ALDH1A3: variants seen among roughly 807,000 people sequenced by gnomAD.
The protein encoded by ALDH1A3 is retinaldehyde dehydrogenase 3.
In ALDH1A3, 28 loss-of-function variants were observed where a neutral mutation model predicts 57.5. The observed-to-expected ratio is 0.49, with a 90% CI of 0.36 to 0.67. The LOEUF (loss-of-function observed/expected upper bound fraction) is 0.67, where lower values mean the gene tolerates loss of function less well. Ranked by LOEUF, ALDH1A3 falls within the 30% of genes least tolerant of loss-of-function variation. ALDH1A3 has a pLI of 0.00. For synonymous variants in ALDH1A3, 281 were observed against 264.8 expected (o/e 1.06, Z -0.59); for missense variants, 507 against 669.4 (o/e 0.76, Z 2.68).
chr15:100,900,423 A>C, intron 8 of ALDH1A3, 152 bp from the exon 9 acceptor site: 1 of 747,628 alleles, frequency 1.3e-6, no homozygotes, highest in South Asian at 1.9e-5. Flanking sequence ...TATTTGGGAA[A>C]GTCTGCAAAC....
intron 9 of ALDH1A3, among the ~76,000 whole-genome samples, chr15:100,902,340 C>T (rs190251759): frequency 6.6e-6 from 1 of 152,202 alleles, no homozygotes; most frequent in Non-Finnish European, 1.5e-5. Context: ...GCCGTCTAAC[C>T]TCAGCATATT....
intron 3 of ALDH1A3, among the ~76,000 whole-genome samples, chr15:100,891,286 T>C (rs1010327859): frequency 1.3e-5 from 2 of 152,236 alleles, no homozygotes; most frequent in African/African-American, 4.8e-5. Context: ...TTCAGGGACT[T>C]ACCCAAGGCC....
intron 1 of ALDH1A3, chr15:100,880,454 G>T: frequency 2.8e-6 from 1 of 354,072 alleles, no homozygotes; most frequent in Non-Finnish European, 5.1e-6. Flanking sequence ...AGCGCCAAGA[G>T]AGAGTCCGGG....
chr15:100,896,482 A>G (rs2041705574), intron 7 of ALDH1A3, among the ~76,000 whole-genome samples: 1 of 152,162 alleles, frequency 6.6e-6, no homozygotes, highest in Non-Finnish European at 1.5e-5. Flanking sequence ...CGACGTGCCC[A>G]TTAAGCTTAA....
chr15:100,911,860 A>G lies in ALDH1A3; in HGVS notation c.1467-2841A>G, dbSNP rs116271844. Among the ~76,000 whole-genome samples the G allele has an allele frequency of 3.4e-3, 522 of 152,348 alleles. 4 individuals are homozygous for G. The highest frequency in any genetic ancestry group is 0.012 in the African/African-American group (503 of 41,582). The stretch of plus-strand genomic sequence containing the variant: ...CATGTGTTAGTTATGTGTTAATTCA[A>G]TCTGATTTCATCACTTTGTTTGCGT... On this transcript the variant is annotated intron_variant, in intron 12 of 12. Transcript: ENST00000329841.
At chr15:100,908,332 G>A in intron 11 of ALDH1A3, 76 bp from the exon 12 acceptor site, 5 of 1,236,536 alleles carry the variant, frequency 4.0e-6, no homozygotes, top group Non-Finnish European at 5.9e-6. Flanking sequence ...CCTGCACTGG[G>A]GGCTAAGTGG....
At position 100,893,725 on chromosome 15, in the gene ALDH1A3, A is replaced by C. The variant is rs1251994622; in HGVS notation, c.538-229A>C. The C allele has an allele frequency of 1.5e-5, 7 of 474,618 alleles. No homozygotes were observed. Among genetic ancestry groups the C allele is most frequent in the Non-Finnish European group, 2.6e-5 (7 of 273,050 alleles). The allele number at this position is 474,618 out of a possible 1,614,324, so 29.4% of individuals were successfully genotyped here. A position where few individuals can be genotyped will look rare whatever the true frequency, so the allele number is the denominator to read the frequency against. ...TGTTTTAGAGGGAGAGGTAGAACACATGCAACAGCATCCTCTTTGCAAAGG... is the reference window on the plus strand; with the variant it reads ...TGTTTTAGAGGGAGAGGTAGAACACCTGCAACAGCATCCTCTTTGCAAAGG... On this transcript the variant is annotated intron_variant, in intron 5 of 12. Coordinates refer to ENST00000329841, the MANE Select transcript of ALDH1A3 (RefSeq NM_000693.4). This position sits in a 1 kb window ranked among gnomAD's most constrained non-coding sequence, Gnocchi z 4.8.
intron 2 of ALDH1A3, among the ~76,000 whole-genome samples, chr15:100,885,602 A>G (rs2041586978): frequency 6.6e-6 from 1 of 151,662 alleles, no homozygotes; most frequent in African/African-American, 2.4e-5. Flanking sequence ...TCCTACTATG[A>G]GGATGACCTC....
chr15:100,896,167 G>C (rs1333900448), intron 7 of ALDH1A3, 121 bp downstream of exon 7: 3 of 792,030 alleles, frequency 3.8e-6, no homozygotes, highest in East Asian at 5.4e-5. Flanking sequence ...CCATGTTTTA[G>C]TACATAACAA....
chr15:100,901,477 G>A (rs755990248), intron 9 of ALDH1A3, among the ~76,000 whole-genome samples: 8 of 152,130 alleles, frequency 5.3e-5, no homozygotes, highest in African/African-American at 1.7e-4. Flanking sequence ...TCACATGTCC[G>A]TGACTTACCC....
chr15:100,902,039 C>A (rs575796367), intron 9 of ALDH1A3, among the ~76,000 whole-genome samples: 3 of 152,208 alleles, frequency 2.0e-5, no homozygotes, highest in Admixed American at 6.5e-5. Flanking sequence ...CAGATCTGAA[C>A]GCAAACATGA....
In ALDH1A3 at chr15:100,914,785, G is replaced by A. The variant is rs761493794; in HGVS notation, c.*12G>A. The A allele has an allele frequency of 1.2e-6, 2 of 1,613,434 alleles. No homozygotes were observed. The highest frequency in any genetic ancestry group is 2.2e-5 in the South Asian group (2 of 91,002). ...ACAAGAACCCCTGAAGGAAAGGCGG[G>A]GCTCCTTCCTCAAACATCGGACGGC... On this transcript the variant is annotated 3_prime_UTR_variant, in exon 13 of 13. Transcript: ENST00000329841.
chr15:100,891,485 C>T (rs1010029535), intron 3 of ALDH1A3, among the ~76,000 whole-genome samples: 2 of 152,230 alleles, frequency 1.3e-5, no homozygotes, highest in Non-Finnish European at 2.9e-5. Context: ...AGTAGATGCC[C>T]CCAATTCAGC....
chr15:100,914,964 G>T lies in ALDH1A3; in HGVS notation c.*191G>T, dbSNP rs1247977840. 4 of 599,002 alleles carry T rather than the reference G, an allele frequency of 6.7e-6. No individual in the cohort carries two copies. The highest frequency in any genetic ancestry group is 1.2e-5 in the Non-Finnish European group (4 of 342,204). 37.1% of individuals were successfully genotyped at this position (599,002 alleles called of 1,614,324 possible). A position where few individuals can be genotyped will look rare whatever the true frequency, so the allele number is the denominator to read the frequency against. ...ATTCACCAGACTGGGGATGCCTATA[G>T]GTTGTCTGTGAAATCGCAGTCCTGC... is the stretch of plus-strand genomic sequence containing the variant. On this transcript the variant is annotated 3_prime_UTR_variant, in exon 13 of 13. Transcript: ENST00000329841.
chr15:100,885,348 T>C lies in ALDH1A3; in HGVS notation c.181T>C (p.Cys61Arg). 2 of 1,612,700 alleles carry C rather than the reference T, an allele frequency of 1.2e-6. No homozygotes were observed. The highest frequency in any genetic ancestry group is 1.7e-6 in the Non-Finnish European group (2 of 1,178,712). The change falls in exon 2 of 13, where the codon TGT (cysteine) becomes CGT (arginine). Residue 61 changes from cysteine to arginine, a missense_variant. Physicochemically the swap from Cys to Arg is radical, Grantham distance 180. Transcript: ENST00000329841. ...TAACCCTTCAACTCGGGAGCAAATA[T>C]GTGAAGTGGAAGAAGGAGATAAGGT... ...TCNPSTREQI[C>R]EVEEGDKPDV...
At chr15:100,891,467 T>A (rs1209708582) in intron 3 of ALDH1A3, among the ~76,000 whole-genome samples, 1 of 152,254 alleles carries the variant, frequency 6.6e-6, no homozygotes, top group Non-Finnish European at 1.5e-5. Flanking sequence ...GTCGCTGTGC[T>A]GGCCAGAAGT....
In ALDH1A3 at chr15:100,889,013, A is replaced by AT. The variant is rs1299635543; in HGVS notation, c.345+1307dup. 3 of 152,164 alleles carry AT rather than the reference A, an allele frequency of 2.0e-5. No individual in the cohort carries two copies. The allele number at this position is 152,164 out of a possible 1,614,324, so 9.4% of individuals were successfully genotyped here. A position where few individuals can be genotyped will look rare whatever the true frequency, so the allele number is the denominator to read the frequency against. On this transcript the variant is annotated intron_variant, in intron 3 of 12. Transcript: ENST00000329841. This position sits in a 1 kb window ranked among gnomAD's most constrained non-coding sequence, Gnocchi z 5.1. ...CAAGGCATTCATCAGTTGTAAGTCCATTTTTTAGCAGGATCCTCAGACCCT... is the reference window on the plus strand; with the variant it reads ...CAAGGCATTCATCAGTTGTAAGTCCATTTTTTTAGCAGGATCCTCAGACCCT...
At chr15:100,884,271 T>C (rs4646653) in intron 1 of ALDH1A3, among the ~76,000 whole-genome samples, 24,163 of 152,264 alleles carry the variant, frequency 0.16, 2,711 homozygotes, top group East Asian at 0.56. Context: ...TCTCTTTTAA[T>C]ATGACATTAA....
Position 100,891,811 on chromosome 15 carries a change from G to A in ALDH1A3, c.346-699G>A, listed in dbSNP as rs539179040. Among the ~76,000 whole-genome samples, 79 of 152,322 alleles carry A rather than the reference G, an allele frequency of 5.2e-4. 1 individual carries two copies. Among genetic ancestry groups the A allele is most frequent in the African/African-American group, 2.2e-4 (9 of 41,578 alleles). ...GGACAAAGGGGTTCTCTTCCACCCCGGCTGGAAATAGAAAAGAATCCCTGC... is the reference window on the plus strand; with the variant it reads ...GGACAAAGGGGTTCTCTTCCACCCCAGCTGGAAATAGAAAAGAATCCCTGC... On this transcript the variant is annotated intron_variant, in intron 3 of 12. Coordinates refer to ENST00000329841, the MANE Select transcript of ALDH1A3 (RefSeq NM_000693.4).
Sources: allele counts gnomAD v4.1 joint callset (sites outside exome capture counted in the v4.1 genomes callset), GRCh38; gene constraint gnomAD v4.1.1; non-coding constraint Gnocchi (gnomAD v3.1); transcripts MANE v1.5; gene names NCBI Gene and HGNC (gene_info 2026-07-23, HGNC 2026-07-21).